Variants in GALNTL6 observed in about 807,000 individuals in gnomAD.
GALNTL6 encodes polypeptide N-acetylgalactosaminyltransferase like 6.
A neutral mutation model predicts 73.7 loss-of-function variants in GALNTL6; 46 were observed. The ratio of observed to expected loss-of-function variants is 0.62; its 90% confidence interval spans 0.49 to 0.80. GALNTL6 has a LOEUF of 0.80. Ranked by LOEUF, GALNTL6 falls within the 30% of genes least tolerant of loss-of-function variation. The pLI is 0.00. For missense variants in GALNTL6, 604 were observed against 755.0 expected (o/e 0.80, Z 2.34); for synonymous variants, 259 against 263.7 (o/e 0.98, Z 0.17).
At chr4:173,037,727 T>C (rs1753750529) in intron 12 of GALNTL6, among the ~76,000 whole-genome samples, 1 of 152,050 alleles carries the variant, frequency 6.6e-6, no homozygotes, top group Admixed American at 6.5e-5. Context: ...ATTGTGCTCA[T>C]CTGGAGGGTC....
At chr4:171,831,562 T>C (rs1296045892) in intron 2 of GALNTL6, among the ~76,000 whole-genome samples, 2 of 151,950 alleles carry the variant, frequency 1.3e-5, no homozygotes, top group Non-Finnish European at 2.9e-5. Context: ...TGACCTTCTT[T>C]CATTTCACTT....
chr4:172,573,581 G>C (rs375568770), intron 5 of GALNTL6, among the ~76,000 whole-genome samples: 23 of 152,152 alleles, frequency 1.5e-4, no homozygotes, highest in African/African-American at 5.3e-4. Flanking sequence ...TAATGTAAAA[G>C]AAACATTAGC....
At chr4:172,351,189 A>G (rs62329909) in intron 5 of GALNTL6, among the ~76,000 whole-genome samples, 1,485 of 88,336 alleles carry the variant, frequency 0.017, 26 homozygotes, top group African/African-American at 0.079. Flanking sequence ...CTGTCTATCT[A>G]TCTATCTATC....
intron 12 of GALNTL6, among the ~76,000 whole-genome samples, chr4:173,030,861 G>A (rs1004423016): frequency 1.3e-5 from 2 of 150,420 alleles, no homozygotes; most frequent in Admixed American, 1.3e-4. Flanking sequence ...AAAAAGCTGG[G>A]CATAGTGGCA....
At chr4:172,908,215 ATTG>A (rs1234055647) in intron 8 of GALNTL6, among the ~76,000 whole-genome samples, 1 of 152,180 alleles carries the variant, frequency 6.6e-6, no homozygotes, top group African/African-American at 2.4e-5. Context: ...TTCTAACAAT[ATTG>A]TTGGACTGTG....
chr4:172,569,840 G>A (rs1736695065), intron 5 of GALNTL6, among the ~76,000 whole-genome samples: 1 of 152,190 alleles, frequency 6.6e-6, no homozygotes, highest in South Asian at 2.1e-4. Context: ...AGCACACTGG[G>A]AGCCGAGGAT....
intron 5 of GALNTL6, among the ~76,000 whole-genome samples, chr4:172,441,478 C>A (rs1219514418): frequency 6.6e-6 from 1 of 152,112 alleles, no homozygotes; most frequent in Non-Finnish European, 1.5e-5. Flanking sequence ...TGAGGCCCAA[C>A]AAGATGCTGC....
intron 9 of GALNTL6, among the ~76,000 whole-genome samples, chr4:172,944,760 A>C (rs557941392): frequency 6.6e-6 from 1 of 152,316 alleles, no homozygotes; most frequent in East Asian, 1.9e-4. Flanking sequence ...ATGTGATAGA[A>C]TACAATAAGA....
At chr4:172,819,064 A>G (rs567392110) in intron 7 of GALNTL6, among the ~76,000 whole-genome samples, 22 of 152,350 alleles carry the variant, frequency 1.4e-4, no homozygotes, top group Admixed American at 1.2e-3. Context: ...CACTTCAGAC[A>G]TGAAAGATCC....
At chr4:172,657,314 T>A (rs837205) in intron 5 of GALNTL6, among the ~76,000 whole-genome samples, 2,514 of 152,302 alleles carry the variant, frequency 0.017, 70 homozygotes, top group African/African-American at 0.054. Context: ...GGGTTTTGTT[T>A]GTGGCTCGCG....
At chr4:172,030,353 G>A (rs971820000) in intron 2 of GALNTL6, among the ~76,000 whole-genome samples, 21 of 152,098 alleles carry the variant, frequency 1.4e-4, no homozygotes, top group East Asian at 5.8e-4. Flanking sequence ...CAAGCAACCG[G>A]GGTAGCATGA....
At chr4:171,988,332 A>G (rs555494455) in intron 2 of GALNTL6, among the ~76,000 whole-genome samples, 10 of 152,336 alleles carry the variant, frequency 6.6e-5, no homozygotes, top group Non-Finnish European at 1.5e-4. Context: ...AATTATGCCA[A>G]GATACGTAAC....
chr4:172,827,245 TCA>T (rs900061580), intron 7 of GALNTL6, among the ~76,000 whole-genome samples: 7 of 152,138 alleles, frequency 4.6e-5, no homozygotes, highest in Non-Finnish European at 7.3e-5. Context: ...GCCGCAAATC[TCA>T]GAGATGAGTC....
chr4:172,630,077 C>T (rs1367537077), intron 5 of GALNTL6, among the ~76,000 whole-genome samples: 1 of 152,142 alleles, frequency 6.6e-6, no homozygotes, highest in African/African-American at 2.4e-5. Flanking sequence ...TTTTTTTCAT[C>T]ACTGAGATTT....
At chr4:172,778,112 GT>G (rs1413296922) in intron 5 of GALNTL6, among the ~76,000 whole-genome samples, 1 of 152,246 alleles carries the variant, frequency 6.6e-6, no homozygotes, top group East Asian at 1.9e-4. Context: ...GTTTCCAACA[GT>G]AAGTGGCATT....
At chr4:172,742,832 G>A (rs925388664) in intron 5 of GALNTL6, among the ~76,000 whole-genome samples, 1 of 151,986 alleles carries the variant, frequency 6.6e-6, no homozygotes, top group Non-Finnish European at 1.5e-5. Context: ...CTTCTAGTTG[G>A]TGCTAATGTA....
In GALNTL6 at chr4:172,273,614, C is replaced by A. The variant is rs953903882; in HGVS notation, c.248-38000C>A. 4.6e-5 allele frequency among the ~76,000 whole-genome samples: 7 copies of A among 152,112 alleles called. No homozygotes were observed. The East Asian group carries it at 1.3e-3, about 29-fold the overall frequency. ...TTCCTCAAGGAGCTGAATGAGAGTT[C>A]TTTCAACAGATAGGTAGAGTTAGCT... On this transcript the variant is annotated intron_variant, in intron 3 of 12. Coordinates refer to ENST00000506823, the MANE Select transcript of GALNTL6 (RefSeq NM_001034845.3).
At chr4:172,243,081 C>T (rs1412116031) in intron 3 of GALNTL6, among the ~76,000 whole-genome samples, 2 of 152,212 alleles carry the variant, frequency 1.3e-5, no homozygotes, top group Non-Finnish European at 2.9e-5. Flanking sequence ...TGACCCATGT[C>T]TCTGACCTCA....
chr4:172,625,871 T>C (rs1408102184), intron 5 of GALNTL6, among the ~76,000 whole-genome samples: 1 of 151,972 alleles, frequency 6.6e-6, no homozygotes, highest in Non-Finnish European at 1.5e-5. Flanking sequence ...TAATGGGATT[T>C]TTTTTCTTGT....
Sources: gnomAD v4.1 joint callset for allele counts (sites outside exome capture counted in the v4.1 genomes callset) on GRCh38, gnomAD v4.1.1 for gene constraint, MANE v1.5 for transcripts, NCBI Gene and HGNC (gene_info 2026-07-23, HGNC 2026-07-21) for gene names.